Variants in MAP3K19 observed in about 807,000 individuals in gnomAD.
MAP3K19 encodes the protein mitogen-activated protein kinase kinase kinase 19.
In MAP3K19, 91 loss-of-function variants were observed where a neutral mutation model predicts 114.4. The observed-to-expected ratio is 0.80, with a 90% CI of 0.67 to 0.95. The LOEUF is 0.95. MAP3K19 is among the 40% of genes least tolerant of loss of function. MAP3K19 has a pLI of 0.00. For missense variants in MAP3K19, 1,471 were observed against 1,573.2 expected (o/e 0.94, Z 1.10); for synonymous variants, 518 against 530.5 (o/e 0.98, Z 0.32).
intron 2 of MAP3K19, among the ~76,000 whole-genome samples, chr2:135,030,961 G>A (rs2104784485): frequency 6.6e-6 from 1 of 152,156 alleles, no homozygotes; most frequent in African/African-American, 2.4e-5. Flanking sequence ...GATGATTCAG[G>A]CTTATATATC....
At chr2:134,968,695 T>G (rs1042024195) in intron 12 of MAP3K19, among the ~76,000 whole-genome samples, 4 of 144,122 alleles carry the variant, frequency 2.8e-5, no homozygotes, top group African/African-American at 1.1e-4. Context: ...GCAGAGGCGC[T>G]CCTTACATCC....
intron 4 of MAP3K19, among the ~76,000 whole-genome samples, chr2:135,022,240 A>G (rs1688029720): frequency 6.6e-6 from 1 of 152,212 alleles, no homozygotes; most frequent in Admixed American, 6.5e-5. Context: ...GCTTAAATCT[A>G]GTCACTTCAT....
intron 5 of MAP3K19, among the ~76,000 whole-genome samples, chr2:135,009,101 ACCACCATGCCTG>A (rs1687034872): frequency 6.8e-6 from 1 of 147,964 alleles, no homozygotes; most frequent in African/African-American, 2.5e-5. Flanking sequence ...ACAGGTGCCC[ACCACCATGCCTG>A]GCTAATTTTT....
In MAP3K19 at chr2:134,986,163, A is replaced by T. The variant is rs993111905; in HGVS notation, c.2709T>A (p.Leu903=). Residue 903 remains leucine (L), a synonymous_variant, in exon 10 of 13, where the codon CTT becomes CTA. Transcript: ENST00000392915. ...GTTTTGCTTGGAAAGAGAAATTTGT[A>T]AGTGTTTTAGAGTGATCTGAAACAC... The part of the protein sequence containing the change: ...FDSVSDHSKT[L]TNFSFQAKQE... 1 of 1,613,658 alleles carries T rather than the reference A, an allele frequency of 6.2e-7. No homozygotes were observed. Among genetic ancestry groups the T allele is most frequent in the African/African-American group, 1.3e-5 (1 of 74,916 alleles).
At chr2:135,033,419 G>C in intron 2 of MAP3K19, among the ~76,000 whole-genome samples, 1 of 116,070 alleles carries the variant, frequency 8.6e-6, no homozygotes, top group Non-Finnish European at 1.7e-5. Flanking sequence ...CGGGCAGAGG[G>C]GATCCTCACT....
chr2:134,987,048 T>C lies in MAP3K19; in HGVS notation c.1824A>G (p.Lys608=), dbSNP rs554892127. Residue 608 remains lysine, a synonymous_variant, in exon 10 of 13, where the codon AAA becomes AAG. Transcript: ENST00000392915. The part of the protein sequence containing the change: ...AKKQSTHRTQ[K]PKKQSFPCIC... Reference sequence around the variant, plus strand: ...TGCAAGGAAATGATTGCTTTTTAGGTTTCTGAGTCCGGTGAGTTGATTGCT... The same window carrying C: ...TGCAAGGAAATGATTGCTTTTTAGGCTTCTGAGTCCGGTGAGTTGATTGCT... The C allele has an allele frequency of 6.2e-6, 10 of 1,612,974 alleles. No individual in the cohort carries two copies. The Admixed American group carries it at 6.7e-5, about 11-fold the overall frequency.
chr2:135,032,663 G>C (rs1343067667), intron 2 of MAP3K19, among the ~76,000 whole-genome samples: 2 of 146,164 alleles, frequency 1.4e-5, no homozygotes, highest in Admixed American at 6.8e-5. Flanking sequence ...TCTCGCAGAG[G>C]GGGAGTTGGC....
intron 5 of MAP3K19, among the ~76,000 whole-genome samples, chr2:135,008,347 T>A (rs1210678027): frequency 2.6e-5 from 4 of 152,180 alleles, no homozygotes; most frequent in African/African-American, 9.7e-5. Flanking sequence ...GGTCTCAAAC[T>A]TCTGACCTCG....
intron 5 of MAP3K19, among the ~76,000 whole-genome samples, chr2:135,010,066 T>C (rs1687112240): frequency 6.6e-6 from 1 of 151,496 alleles, no homozygotes; most frequent in Admixed American, 6.6e-5. Flanking sequence ...GTGATCTTGT[T>C]AGCATGAAAA....
At chr2:135,008,128 C>T (rs910479189) in intron 5 of MAP3K19, among the ~76,000 whole-genome samples, 2 of 145,820 alleles carry the variant, frequency 1.4e-5, no homozygotes, top group Non-Finnish European at 3.0e-5. Context: ...AACAGTACTT[C>T]TTTTTTTTTT....
rs550573806 is a variant in MAP3K19 at position 134,967,207 on chromosome 2, A to G, written c.3921-2291T>C. 1.9e-4 allele frequency among the ~76,000 whole-genome samples: 29 copies of G among 152,314 alleles called. 1 individual carries two copies. Among genetic ancestry groups the G allele is most frequent in the African/African-American group, 6.5e-4 (27 of 41,564 alleles). ...CCCCAGTCTCAATAAATCAGGGGCA[A>G]CATACACTGTGGAAAGCCTCAGGGA... On this transcript the variant is annotated intron_variant, in intron 12 of 12. Coordinates refer to ENST00000392915, the MANE Select transcript of MAP3K19 (RefSeq NM_025052.5).
At chr2:134,966,250 G>A (rs983936356) in intron 12 of MAP3K19, among the ~76,000 whole-genome samples, 3 of 152,128 alleles carry the variant, frequency 2.0e-5, no homozygotes, top group Non-Finnish European at 4.4e-5. Flanking sequence ...TACTCAGTAG[G>A]AGGATTGCTG....
At chr2:134,996,412 T>C (rs568126659) in intron 8 of MAP3K19, among the ~76,000 whole-genome samples, 7 of 152,276 alleles carry the variant, frequency 4.6e-5, no homozygotes, top group African/African-American at 1.7e-4. Flanking sequence ...TGCCAAATGC[T>C]TGGAGGTTGA....
chr2:134,986,664 G>T lies in MAP3K19; in HGVS notation c.2208C>A (p.His736Gln), dbSNP rs1685136126. ...PKTSFGIKQE[H>Q]KVLISKEKSS... ...TCTTTTCTTTAGAAATTAAGACTTT[G>T]TGCTCTTGTTTAATGCCAAATGAAG... Residue 736 changes from histidine (H) to glutamine (Q), a missense_variant, in exon 10 of 13, where the codon CAC becomes CAA. His to Gln is a conservative substitution (Grantham distance 24, BLOSUM62 0). Coordinates refer to ENST00000392915, the MANE Select transcript of MAP3K19 (RefSeq NM_025052.5). 1 of 1,614,130 alleles carries T rather than the reference G, an allele frequency of 6.2e-7. No homozygotes were observed. The highest frequency in any genetic ancestry group is 2.2e-5 in the East Asian group (1 of 44,886).
Position 134,987,774 on chromosome 2 carries a change from A to G in MAP3K19, c.1098T>C (p.Tyr366=). Residue 366 remains tyrosine, a synonymous_variant, in exon 10 of 13, where the codon TAT becomes TAC. Transcript: ENST00000392915. ...TRKPEEENSQ[Y]LSSRKNESSV... ...AACTCTCATTCTTTCTTGATGAAAGATATTGAGAGTTCTCTTCTTCAGGTT... is the reference window on the plus strand; with the variant it reads ...AACTCTCATTCTTTCTTGATGAAAGGTATTGAGAGTTCTCTTCTTCAGGTT... 6.2e-7 allele frequency: 1 copy of G among 1,608,034 alleles called. No homozygotes were observed. The highest frequency in any genetic ancestry group is 8.5e-7 in the Non-Finnish European group (1 of 1,179,986).
At chr2:135,001,800 C>A (rs1344886152) in intron 6 of MAP3K19, among the ~76,000 whole-genome samples, 1 of 152,216 alleles carries the variant, frequency 6.6e-6, no homozygotes, top group South Asian at 2.1e-4. Flanking sequence ...AGAATGTTTT[C>A]AAACAAATGT....
chr2:134,993,285 G>T (rs1685742170), intron 8 of MAP3K19, among the ~76,000 whole-genome samples: 1 of 152,212 alleles, frequency 6.6e-6, no homozygotes, highest in African/African-American at 2.4e-5. Context: ...AGACTTCTAA[G>T]ATTTAACACA....
intron 1 of MAP3K19, among the ~76,000 whole-genome samples, chr2:135,042,872 G>C (rs969007739): frequency 6.6e-6 from 1 of 152,054 alleles, no homozygotes; most frequent in Non-Finnish European, 1.5e-5. Context: ...ACCTGAGTTC[G>C]GGAGTTCAAG....
intron 5 of MAP3K19, among the ~76,000 whole-genome samples, chr2:135,008,915 A>G (rs146389443): frequency 1.1e-4 from 17 of 152,074 alleles, no homozygotes; most frequent in African/African-American, 3.9e-4. Context: ...AGTAGCTGGA[A>G]CTATAAGTAT....
Sources: allele counts gnomAD v4.1 joint callset (sites outside exome capture counted in the v4.1 genomes callset), GRCh38; gene constraint gnomAD v4.1.1; transcripts MANE v1.5; gene names NCBI Gene and HGNC (gene_info 2026-07-23, HGNC 2026-07-21).